Variants in PHACTR2 observed in about 807,000 individuals in gnomAD.
PHACTR2 encodes chromosome 6 open reading frame 56.
PHACTR2 carries 30 observed loss-of-function variants against 76.0 expected under a neutral mutation model. The ratio of observed to expected loss-of-function variants is 0.39; its 90% CI spans 0.30 to 0.54. PHACTR2 has a LOEUF of 0.54. PHACTR2 is among the 20% of genes least tolerant of loss of function. The pLI is 0.61. For missense variants in PHACTR2, 696 were observed against 781.1 expected (o/e 0.89, Z 1.30); for synonymous variants, 292 against 292.5 (o/e 1.00, Z 0.02).
intron 1 of PHACTR2, among the ~76,000 whole-genome samples, chr6:143,552,959 C>T (rs544236223): frequency 1.1e-4 from 17 of 150,180 alleles, no homozygotes; most frequent in African/African-American, 4.2e-4. Context: ...ATTGAAGAAA[C>T]CTTTAGGAAA....
rs1047294740 is a variant in PHACTR2, at chr6:143,599,814, A to T, written c.217+62607A>T. On this transcript the variant is annotated intron_variant, in intron 1 of 11. Transcript: ENST00000367584. This position sits in a 1 kb window ranked among gnomAD's most constrained non-coding sequence, Gnocchi z 4.6. ...AAGGGATTTGAGAGGTCAGCAGGCC[A>T]TTCTGCTGACTTGGGCCCAAATGCT... Among the ~76,000 whole-genome samples, 2 of 152,196 alleles carry T rather than the reference A, an allele frequency of 1.3e-5. No individual in the cohort carries two copies. Among genetic ancestry groups the T allele is most frequent in the African/African-American group, 4.8e-5 (2 of 41,462 alleles).
intron 1 of PHACTR2, among the ~76,000 whole-genome samples, chr6:143,682,131 A>C (rs1777405019): frequency 6.6e-6 from 1 of 152,282 alleles, no homozygotes; most frequent in African/African-American, 2.4e-5. Flanking sequence ...GATAGCAATG[A>C]TATTGAACCT....
rs867333050 is a variant in PHACTR2, at chr6:143,549,041, C to T, written c.217+11834C>T. Among the ~76,000 whole-genome samples, 1 of 151,888 alleles carries T rather than the reference C, an allele frequency of 6.6e-6. No homozygotes were observed. Among genetic ancestry groups the T allele is most frequent in the African/African-American group, 2.4e-5 (1 of 41,374 alleles). Reference sequence around the variant, plus strand: ...AGGGAAGAAGGCTTGGCCATGAAGACAGGCATTCTCTCCCCCCGACCCAGA... The same window carrying T: ...AGGGAAGAAGGCTTGGCCATGAAGATAGGCATTCTCTCCCCCCGACCCAGA... On this transcript the variant is annotated intron_variant, in intron 1 of 11. Coordinates refer to the PHACTR2 transcript ENST00000367584. This position sits in a 1 kb window ranked among gnomAD's most constrained non-coding sequence, Gnocchi z 4.2.
At chr6:143,682,763 A>AC (rs367743022) in intron 1 of PHACTR2, among the ~76,000 whole-genome samples, 2 of 149,888 alleles carry the variant, frequency 1.3e-5, no homozygotes, top group Admixed American at 6.6e-5. Flanking sequence ...CTAACAAAAA[A>AC]AGTTGTTTTT....
At chr6:143,797,762 A>G (rs889137274) in intron 11 of PHACTR2, among the ~76,000 whole-genome samples, 1 of 152,012 alleles carries the variant, frequency 6.6e-6, no homozygotes, top group East Asian at 1.9e-4. Flanking sequence ...CAGTCTGTGT[A>G]TCTGTTTTGG....
Position 143,684,031 on chromosome 6 carries a change from G to A in PHACTR2, c.46+5822G>A, listed in dbSNP as rs74920119. Among the ~76,000 whole-genome samples the A allele has an allele frequency of 1.6e-3, 237 of 152,200 alleles. 3 individuals are homozygous for A. The East Asian group carries it at 0.024, about 15-fold the overall frequency. The stretch of plus-strand genomic sequence containing the variant: ...TAAATGAACACTATTATAGTATGTG[G>A]ATATATGAAAACTTCCTTTAAAAGA... On this transcript the variant is annotated intron_variant, in intron 1 of 12. Transcript: ENST00000440869. This position sits in a 1 kb window ranked among gnomAD's most constrained non-coding sequence, Gnocchi z 4.3.
chr6:143,697,886 A>G lies in PHACTR2; in HGVS notation c.47-14130A>G, dbSNP rs936849410. The stretch of plus-strand genomic sequence containing the variant: ...TAAAATCAACTTGCTCCCTGTCCTC[A>G]TGGGACTCCTAATCTAGTGGTGAGA... On this transcript the variant is annotated intron_variant, in intron 1 of 12. Coordinates refer to ENST00000440869, the MANE Select transcript of PHACTR2 (RefSeq NM_001100164.2). The surrounding 1 kb of genome is among the most constrained non-coding windows in gnomAD (Gnocchi z 4.4). Among the ~76,000 whole-genome samples the G allele has an allele frequency of 6.6e-6, 1 of 152,150 alleles. No individual in the cohort carries two copies. The highest frequency in any genetic ancestry group is 2.4e-5 in the African/African-American group (1 of 41,420).
At chr6:143,677,442 G>A (rs79313503), upstream of PHACTR2, among the ~76,000 whole-genome samples, 281 of 152,192 alleles carry the variant, frequency 1.8e-3, 1 homozygote, top group Non-Finnish European at 3.5e-3. Flanking sequence ...GGAGAGGTCA[G>A]CACTCCAGAG....
intron 1 of PHACTR2, among the ~76,000 whole-genome samples, chr6:143,572,146 G>T (rs546790518): frequency 3.4e-4 from 51 of 152,236 alleles, no homozygotes; most frequent in African/African-American, 1.2e-3. Flanking sequence ...TAGACTTTTT[G>T]TTGTTGTAGA....
rs1778116817 is a variant in PHACTR2 at position 143,709,295 on chromosome 6, C to A, written c.47-2721C>A. Among the ~76,000 whole-genome samples, 1 of 152,206 alleles carries A rather than the reference C, an allele frequency of 6.6e-6. No individual in the cohort carries two copies. Among genetic ancestry groups the A allele is most frequent in the South Asian group, 2.1e-4 (1 of 4,838 alleles). Reference sequence around the variant, plus strand: ...GAATCTCCAATTTTCCCTAGCAATGCACAGTGTCTGCCCATCTCTGCCCAG... The same window carrying A: ...GAATCTCCAATTTTCCCTAGCAATGAACAGTGTCTGCCCATCTCTGCCCAG... On this transcript the variant is annotated intron_variant, in intron 1 of 12. Transcript: ENST00000440869. This position sits in a 1 kb window ranked among gnomAD's most constrained non-coding sequence, Gnocchi z 4.4.
chr6:143,812,149 A>G (rs1224418307), intron 12 of PHACTR2, among the ~76,000 whole-genome samples: 2 of 152,240 alleles, frequency 1.3e-5, no homozygotes, highest in East Asian at 1.9e-4. Flanking sequence ...CCAGTGATGT[A>G]CTGGTGTACA....
At chr6:143,552,394 G>A (rs1353355334) in intron 1 of PHACTR2, among the ~76,000 whole-genome samples, 1 of 152,188 alleles carries the variant, frequency 6.6e-6, no homozygotes, top group Non-Finnish European at 1.5e-5. Flanking sequence ...GAGGGAGTAG[G>A]AGTTGAAGGG....
Position 143,777,412 on chromosome 6 carries a change from C to T in PHACTR2, c.1645+29C>T. ...AGTATTCTATACTATAGAATGATTC[C>T]TTGTGTAATCGCTAACAAGCTGCCT... On this transcript the variant is annotated intron_variant, in intron 9 of 12. Transcript: ENST00000440869. This position sits in a 1 kb window ranked among gnomAD's most constrained non-coding sequence, Gnocchi z 4.6. The T allele has an allele frequency of 8.0e-7, 1 of 1,247,036 alleles. No individual in the cohort carries two copies. The highest frequency in any genetic ancestry group is 1.1e-6 in the Non-Finnish European group (1 of 872,562). 77.2% of individuals were successfully genotyped at this position (1,247,036 alleles called of 1,614,324 possible). A position where few individuals can be genotyped will look rare whatever the true frequency, so the allele number is the denominator to read the frequency against.
chr6:143,699,513 G>A (rs183799486), intron 1 of PHACTR2, among the ~76,000 whole-genome samples: 1 of 152,298 alleles, frequency 6.6e-6, no homozygotes, highest in East Asian at 1.9e-4. Flanking sequence ...AGCTGCTTTT[G>A]TTTAGAAGAC....
intron 1 of PHACTR2, among the ~76,000 whole-genome samples, chr6:143,582,213 T>C (rs370629628): frequency 1.3e-5 from 2 of 152,184 alleles, no homozygotes; most frequent in East Asian, 3.9e-4. Flanking sequence ...AGCAAATCGT[T>C]TTGGAAATAG....
In PHACTR2 at chr6:143,619,615, G is replaced by C. The variant is rs181384582; in HGVS notation, c.13+11293G>C. On this transcript the variant is annotated intron_variant, in intron 1 of 11. Transcript: ENST00000305766. The surrounding 1 kb of genome is among the most constrained non-coding windows in gnomAD (Gnocchi z 4.5). ...GTTTTCTCTTCCTCCACTTACTGTG[G>C]AAAGGGACTCGGTAGCTTTTGTATC... is the stretch of plus-strand genomic sequence containing the variant. Among the ~76,000 whole-genome samples the C allele has an allele frequency of 1.1e-3, 173 of 152,314 alleles. No homozygotes were observed. The highest frequency in any genetic ancestry group is 9.1e-3 in the Admixed American group (139 of 15,300).
At chr6:143,724,771 TC>T (rs1778521752) in intron 2 of PHACTR2, among the ~76,000 whole-genome samples, 1 of 152,258 alleles carries the variant, frequency 6.6e-6, no homozygotes, top group Non-Finnish European at 1.5e-5. Context: ...CCTTGACCTT[TC>T]AGAAAACACA....
chr6:143,706,639 G>A (rs1582793369), intron 1 of PHACTR2, among the ~76,000 whole-genome samples: 2 of 152,148 alleles, frequency 1.3e-5, no homozygotes, highest in South Asian at 4.1e-4. Context: ...CACCCCGTGT[G>A]ATGCCACACA....
At chr6:143,729,129 T>C (rs1367098800) in intron 2 of PHACTR2, among the ~76,000 whole-genome samples, 1 of 152,188 alleles carries the variant, frequency 6.6e-6, no homozygotes. Context: ...GCATCTGCCA[T>C]CCATATATCC....
Sources: gnomAD v4.1 joint callset for allele counts (sites outside exome capture counted in the v4.1 genomes callset) on GRCh38, gnomAD v4.1.1 for gene constraint, Gnocchi (gnomAD v3.1) non-coding constraint, MANE v1.5 for transcripts, NCBI Gene and HGNC (gene_info 2026-07-23, HGNC 2026-07-21) for gene names.